Variants in KLHL1 observed in about 807,000 individuals in gnomAD.
The protein encoded by KLHL1 is kelch like family member 1, also known as kelch-like protein 1.
Under a neutral mutation model 77.7 loss-of-function variants are expected in KLHL1, and 47 were observed. That is an observed-to-expected ratio of 0.60 (90% CI 0.48 to 0.77). The LOEUF (loss-of-function observed/expected upper bound fraction) is 0.77. KLHL1 is among the 30% of genes least tolerant of loss of function. KLHL1 has a pLI of 0.00. For missense variants in KLHL1, 925 were observed against 910.8 expected (o/e 1.02, Z -0.20); for synonymous variants, 360 against 325.2 (o/e 1.11, Z -1.15).
chr13:69,823,994 G>A (rs116164594), intron 6 of KLHL1, among the ~76,000 whole-genome samples: 2,178 of 151,782 alleles, frequency 0.014, 51 homozygotes, highest in African/African-American at 0.049. Flanking sequence ...GTATATATAT[G>A]TATATGTGCA....
intron 3 of KLHL1, among the ~76,000 whole-genome samples, chr13:69,958,238 AAATAAT>A (rs75990668): frequency 2.0e-5 from 3 of 150,182 alleles, no homozygotes; most frequent in African/African-American, 7.3e-5. Flanking sequence ...ACCAGTTACC[AAATAAT>A]AATAATAATA....
At chr13:69,784,911 A>G (rs1876437781) in intron 7 of KLHL1, among the ~76,000 whole-genome samples, 1 of 67,526 alleles carries the variant, frequency 1.5e-5, no homozygotes, top group Non-Finnish European at 3.1e-5. Context: ...TTTTTTTGAG[A>G]CAGAGTCTCG....
chr13:69,738,163 G>T (rs962797988), intron 8 of KLHL1, among the ~76,000 whole-genome samples: 1 of 152,132 alleles, frequency 6.6e-6, no homozygotes, highest in Non-Finnish European at 1.5e-5. Context: ...AAAGGGGCCT[G>T]ACTGCTAAAA....
At chr13:69,943,832 C>G (rs1236928807) in intron 3 of KLHL1, among the ~76,000 whole-genome samples, 1 of 152,102 alleles carries the variant, frequency 6.6e-6, no homozygotes, top group South Asian at 2.1e-4. Context: ...GTAAAGTTGT[C>G]AAGAAGACGG....
chr13:69,900,005 C>T (rs1295718505), intron 4 of KLHL1, among the ~76,000 whole-genome samples: 1 of 152,052 alleles, frequency 6.6e-6, no homozygotes, highest in Non-Finnish European at 1.5e-5. Context: ...CTTACTATAA[C>T]ATTGTTAATT....
intron 4 of KLHL1, among the ~76,000 whole-genome samples, chr13:69,933,877 C>T (rs1342775653): frequency 6.6e-6 from 1 of 151,672 alleles, no homozygotes; most frequent in Non-Finnish European, 1.5e-5. Context: ...ATCCATTTGT[C>T]TGAAGGAATT....
chr13:69,918,355 A>AT (rs1217226407), intron 4 of KLHL1, among the ~76,000 whole-genome samples: 2 of 151,888 alleles, frequency 1.3e-5, no homozygotes, highest in Admixed American at 6.6e-5. Context: ...ACGAAGAGTG[A>AT]TTTTTTTATT....
At chr13:69,838,246 C>T (rs1040255491) in intron 6 of KLHL1, among the ~76,000 whole-genome samples, 14 of 151,398 alleles carry the variant, frequency 9.2e-5, no homozygotes, top group African/African-American at 3.4e-4. Context: ...TTGCCAATTC[C>T]AGCTTTTTAA....
At chr13:69,901,041 T>A (rs554632611) in intron 4 of KLHL1, among the ~76,000 whole-genome samples, 1 of 152,322 alleles carries the variant, frequency 6.6e-6, no homozygotes, top group East Asian at 1.9e-4. Context: ...AATCAATTAT[T>A]TATCTAATTA....
intron 7 of KLHL1, among the ~76,000 whole-genome samples, chr13:69,776,116 A>C (rs1240583310): frequency 6.6e-6 from 1 of 151,638 alleles, no homozygotes; most frequent in African/African-American, 2.4e-5. Context: ...AGATCGCACC[A>C]CTGCACTCCA....
intron 4 of KLHL1, among the ~76,000 whole-genome samples, chr13:69,902,414 T>G (rs1322938061): frequency 6.6e-6 from 1 of 152,146 alleles, no homozygotes; most frequent in Non-Finnish European, 1.5e-5. Context: ...AGATTTATCA[T>G]GGTATACTTG....
chr13:69,864,501 G>A (rs1200432621), intron 5 of KLHL1, among the ~76,000 whole-genome samples: 1 of 151,978 alleles, frequency 6.6e-6, no homozygotes, highest in Non-Finnish European at 1.5e-5. Flanking sequence ...GTTTCAGCAT[G>A]TATTGCTGTG....
At chr13:69,749,987 C>A (rs9542071) in intron 7 of KLHL1, among the ~76,000 whole-genome samples, 2,277 of 151,674 alleles carry the variant, frequency 0.015, 37 homozygotes, top group Middle Eastern at 0.035. Context: ...TGCCTGTTAG[C>A]CATTAATTGT....
intron 4 of KLHL1, among the ~76,000 whole-genome samples, chr13:69,913,150 T>C (rs17085643): frequency 0.093 from 14,065 of 152,050 alleles, 773 homozygotes; most frequent in African/African-American, 0.14. Context: ...TCATACAGAT[T>C]AAGACCTTTT....
intron 1 of KLHL1, among the ~76,000 whole-genome samples, chr13:70,031,493 G>A (rs1334588742): frequency 6.6e-6 from 1 of 152,108 alleles, no homozygotes; most frequent in East Asian, 1.9e-4. Flanking sequence ...AAGTAAAATG[G>A]TCTAGAGAAA....
intron 8 of KLHL1, among the ~76,000 whole-genome samples, chr13:69,725,864 A>G (rs1488686362): frequency 1.3e-5 from 2 of 151,754 alleles, no homozygotes; most frequent in Non-Finnish European, 3.0e-5. Context: ...AGAAAGAGCT[A>G]GTGCCATAGC....
intron 5 of KLHL1, among the ~76,000 whole-genome samples, chr13:69,877,683 A>C (rs1880820425): frequency 6.6e-6 from 1 of 152,114 alleles, no homozygotes; most frequent in African/African-American, 2.4e-5. Flanking sequence ...TCTGGTCTAT[A>C]GCAAAGTAAA....
At chr13:70,048,584 G>A (rs965517509) in intron 1 of KLHL1, among the ~76,000 whole-genome samples, 3 of 152,176 alleles carry the variant, frequency 2.0e-5, no homozygotes, top group Non-Finnish European at 4.4e-5. Context: ...GCAGGCTAGG[G>A]TAGAGAAGCG....
At chr13:69,833,858 C>T (rs972569847) in intron 6 of KLHL1, among the ~76,000 whole-genome samples, 23 of 92,858 alleles carry the variant, frequency 2.5e-4, no homozygotes, top group East Asian at 1.7e-3. Flanking sequence ...CACATATATA[C>T]ACACACACAC....
Sources: allele counts gnomAD v4.1 joint callset (sites outside exome capture counted in the v4.1 genomes callset), GRCh38; gene constraint gnomAD v4.1.1; transcripts MANE v1.5; gene names NCBI Gene and HGNC (gene_info 2026-07-23, HGNC 2026-07-21).